Variants in ZSWIM6 observed in about 807,000 individuals in gnomAD.
The protein encoded by ZSWIM6 is zinc finger SWIM domain-containing protein 6.
ZSWIM6 carries 9 observed loss-of-function variants against 113.2 expected under a neutral mutation model. That is an observed-to-expected ratio of 0.08 (90% CI 0.05 to 0.14). The LOEUF is 0.14. Ranked by LOEUF, ZSWIM6 falls within the 10% of genes least tolerant of loss-of-function variation. The pLI is 1.00. For missense variants in ZSWIM6, 1,162 were observed against 1,552.2 expected, an observed-to-expected ratio of 0.75 and a Z score of 4.22; for synonymous variants, 611 against 606.5, an observed-to-expected ratio of 1.01 and a Z score of -0.11.
chr5:61,381,609 TTC>T lies in ZSWIM6; in HGVS notation c.676+48663_676+48664del, dbSNP rs558913165. On this transcript the variant is annotated intron_variant, in intron 1 of 13. Coordinates refer to ENST00000252744, the MANE Select transcript of ZSWIM6 (RefSeq NM_020928.2). ...GAGCAGTTGTCCATAGTTTTTTTTGTTCTGTGACATGTGGCTACTTGGCTATG... is the reference window on the plus strand; with the variant it reads ...GAGCAGTTGTCCATAGTTTTTTTTGTTGTGACATGTGGCTACTTGGCTATG... 4.8e-3 allele frequency among the ~76,000 whole-genome samples: 725 copies of T among 152,316 alleles called. 5 individuals carry two copies. The highest frequency in any genetic ancestry group is 0.017 in the African/African-American group (691 of 41,578).
intron 1 of ZSWIM6, among the ~76,000 whole-genome samples, chr5:61,445,739 A>G (rs1246333568): frequency 6.6e-6 from 1 of 152,232 alleles, no homozygotes; most frequent in African/African-American, 2.4e-5. Context: ...GTAAAACCCA[A>G]AGAACAAACA....
chr5:61,481,663 A>G (rs1030471820), intron 2 of ZSWIM6, among the ~76,000 whole-genome samples: 7 of 151,968 alleles, frequency 4.6e-5, no homozygotes, highest in African/African-American at 1.7e-4. Flanking sequence ...CTAAATCAGA[A>G]CCAAATCAAG....
chr5:61,398,566 C>T (rs1745885006), intron 1 of ZSWIM6, among the ~76,000 whole-genome samples: 1 of 152,156 alleles, frequency 6.6e-6, no homozygotes, highest in African/African-American at 2.4e-5. Flanking sequence ...GGTTCCAGCA[C>T]TTAGTAACTC....
chr5:61,368,216 TAAAG>T (rs147437122), intron 1 of ZSWIM6, among the ~76,000 whole-genome samples: 17,883 of 152,152 alleles, frequency 0.12, 1,113 homozygotes, highest in Middle Eastern at 0.16. Context: ...CAGCACATGA[TAAAG>T]AACTCAAAAC....
intron 4 of ZSWIM6, among the ~76,000 whole-genome samples, chr5:61,502,545 G>T (rs895106890): frequency 6.6e-6 from 1 of 152,150 alleles, no homozygotes; most frequent in South Asian, 2.1e-4. Flanking sequence ...AAAGGATTCC[G>T]ATATTATAAA....
Position 61,365,339 on chromosome 5 carries a change from G to A in ZSWIM6, c.676+32391G>A, listed in dbSNP as rs868764107. Among the ~76,000 whole-genome samples, 13 of 103,760 alleles carry A rather than the reference G, an allele frequency of 1.3e-4. 1 individual carries two copies. The highest frequency in any genetic ancestry group is 1.1e-3 in the South Asian group (3 of 2,704). The allele number at this position is 103,760 out of a possible 152,430, so 68.1% of individuals were successfully genotyped here. A position where few individuals can be genotyped will look rare whatever the true frequency, so the allele number is the denominator to read the frequency against. On this transcript the variant is annotated intron_variant, in intron 1 of 13. Coordinates refer to ENST00000252744, the MANE Select transcript of ZSWIM6 (RefSeq NM_020928.2). ...TGCACTCCAGCCTGGGCGACAGAGC[G>A]GGACTCTGTCTCAAAAAAAAAAAAT... is the stretch of plus-strand genomic sequence containing the variant.
At chr5:61,511,025 A>G (rs959425007) in intron 4 of ZSWIM6, among the ~76,000 whole-genome samples, 1 of 152,234 alleles carries the variant, frequency 6.6e-6, no homozygotes, top group Non-Finnish European at 1.5e-5. Flanking sequence ...CCAAAGTGGG[A>G]CTCTGAATTA....
intron 1 of ZSWIM6, among the ~76,000 whole-genome samples, chr5:61,378,590 T>C (rs540779664): frequency 2.0e-4 from 31 of 152,218 alleles, no homozygotes; most frequent in Middle Eastern, 3.4e-3. Context: ...GGTTTTGCTC[T>C]TGTTGCCCAG....
Position 61,417,027 on chromosome 5 carries a change from A to G in ZSWIM6, c.677-55654A>G, listed in dbSNP as rs113787424. Among the ~76,000 whole-genome samples the G allele has an allele frequency of 5.3e-5, 8 of 152,266 alleles. 2 individuals carry two copies. The highest frequency in any genetic ancestry group is 1.9e-4 in the African/African-American group (8 of 41,538). On this transcript the variant is annotated intron_variant, in intron 1 of 13. Transcript: ENST00000252744. Reference sequence around the variant, plus strand: ...CGTAGTGGCACATGCTTGTAATCCCAGCTACTCGGGAGGCTGAGGCAGGAG... The same window carrying G: ...CGTAGTGGCACATGCTTGTAATCCCGGCTACTCGGGAGGCTGAGGCAGGAG...
intron 4 of ZSWIM6, among the ~76,000 whole-genome samples, chr5:61,506,884 C>A (rs1748636088): frequency 1.3e-5 from 2 of 152,132 alleles, no homozygotes; most frequent in African/African-American, 4.8e-5. Context: ...TGTTTAATAG[C>A]CGTGGAAGCC....
In ZSWIM6 at chr5:61,412,924, T is replaced by C. The variant is rs536020444; in HGVS notation, c.677-59757T>C. ...CTTAAAGTCAGTTGCTGGGTACATA[T>C]TGCTGAGCAAAAATAAACTTGCAGT... On this transcript the variant is annotated intron_variant, in intron 1 of 13. Transcript: ENST00000252744. Among the ~76,000 whole-genome samples, 8 of 152,248 alleles carry C rather than the reference T, an allele frequency of 5.3e-5. No individual in the cohort carries two copies. The South Asian group carries it at 1.7e-3, about 32-fold the overall frequency.
Position 61,526,303 on chromosome 5 carries a change from C to T in ZSWIM6, c.1744C>T (p.Pro582Ser), listed in dbSNP as rs1749281456. 6.4e-7 allele frequency: 1 copy of T among 1,551,758 alleles called. No individual in the cohort carries two copies. Among genetic ancestry groups the T allele is most frequent in the South Asian group, 1.2e-5 (1 of 84,042 alleles). Residue 582 changes from proline (P) to serine (S), a missense_variant, in exon 7 of 14, where the codon CCC (proline) becomes TCC (serine). By Grantham distance (74) the Pro-to-Ser change is moderately conservative. Transcript: ENST00000252744. ...RVDALRSHGY[P>S]REALRLAIAI... Reference sequence around the variant, plus strand: ...GGACGCATTACGTTCTCATGGGTACCCCAGAGAAGCACTGAGACTAGCAAT... The same window carrying T: ...GGACGCATTACGTTCTCATGGGTACTCCAGAGAAGCACTGAGACTAGCAAT...
chr5:61,454,892 T>G (rs1580004779), intron 1 of ZSWIM6, among the ~76,000 whole-genome samples: 1 of 151,950 alleles, frequency 6.6e-6, no homozygotes, highest in South Asian at 2.1e-4. Context: ...TGAAGGTTTT[T>G]TTTTTTTTTT....
intron 1 of ZSWIM6, among the ~76,000 whole-genome samples, chr5:61,404,843 T>C (rs923333777): frequency 2.0e-5 from 3 of 152,200 alleles, no homozygotes; most frequent in African/African-American, 7.2e-5. Context: ...TTAGTTATTA[T>C]ACTTAAGGAA....
At position 61,543,943 on chromosome 5, in the gene ZSWIM6, C is replaced by T. The variant is rs757090562; in HGVS notation, c.3274C>T (p.Pro1092Ser). The T allele has an allele frequency of 7.7e-6, 12 of 1,551,832 alleles. No individual in the cohort carries two copies. The South Asian group carries it at 1.4e-4, about 18-fold the overall frequency. ...LGKNELAAII[P>S]LVVKSVKCAT... ...TAAAAATGAGCTTGCAGCTATAATA[C>T]CTCTGGTGGTCAAGAGTGTCAAGTG... The change falls in exon 14 of 14, where the codon CCT (proline) becomes TCT (serine). Residue 1092 changes from proline (P) to serine (S), a missense_variant. Coordinates refer to ENST00000252744, the MANE Select transcript of ZSWIM6 (RefSeq NM_020928.2). The surrounding 1 kb of genome is among the most constrained non-coding windows in gnomAD (Gnocchi z 4.3).
At chr5:61,349,793 C>T (rs975987010) in intron 1 of ZSWIM6, among the ~76,000 whole-genome samples, 2 of 151,982 alleles carry the variant, frequency 1.3e-5, no homozygotes, top group East Asian at 3.9e-4. Flanking sequence ...ATTATAAATG[C>T]CTTTGTGGGA....
chr5:61,437,905 G>A (rs1489476764), intron 1 of ZSWIM6, among the ~76,000 whole-genome samples: 3 of 151,692 alleles, frequency 2.0e-5, no homozygotes, highest in Non-Finnish European at 4.4e-5. Flanking sequence ...GTGCCAATAT[G>A]ACATTTTTAA....
At chr5:61,425,904 C>T (rs781360207) in intron 1 of ZSWIM6, among the ~76,000 whole-genome samples, 1 of 152,110 alleles carries the variant, frequency 6.6e-6, no homozygotes, top group African/African-American at 2.4e-5. Flanking sequence ...CTAGGAACTT[C>T]GAACGTTATG....
intron 1 of ZSWIM6, among the ~76,000 whole-genome samples, chr5:61,371,797 T>TGAAACCTTTAAGTTTC (rs1283365422): frequency 5.1e-4 from 78 of 152,250 alleles, no homozygotes; most frequent in Non-Finnish European, 9.4e-4. Context: ...TTTCAAGGCA[T>TGAAACCTTTAAGTTTC]CTGTGAAACC....
Sources: allele counts gnomAD v4.1 joint callset (sites outside exome capture counted in the v4.1 genomes callset), GRCh38; gene constraint gnomAD v4.1.1; non-coding constraint Gnocchi (gnomAD v3.1); transcripts MANE v1.5; gene names NCBI Gene and HGNC (gene_info 2026-07-23, HGNC 2026-07-21).